HMGA2: variants seen among roughly 807,000 people sequenced by gnomAD.
The protein encoded by HMGA2 is high mobility group AT-hook 2.
HMGA2 carries 8 observed loss-of-function variants against 19.1 expected under a neutral mutation model. That is an observed-to-expected ratio of 0.42 (90% CI 0.25 to 0.76). The LOEUF (loss-of-function observed/expected upper bound fraction) is 0.76, where lower values mean the gene tolerates loss of function less well. HMGA2 is among the 30% of genes least tolerant of loss of function. The pLI is 0.28. For synonymous variants in HMGA2, 60 were observed against 48.8 expected (o/e 1.23, Z -0.96); for missense variants, 109 against 136.3 (o/e 0.80, Z 1.00).
chr12:65,916,716 G>A (rs990531728), intron 3 of HMGA2, among the ~76,000 whole-genome samples: 1 of 152,178 alleles, frequency 6.6e-6, no homozygotes, highest in African/African-American at 2.4e-5. Context: ...ATATCCAGAA[G>A]AGTTCTTTGG....
chr12:65,848,772 C>T (rs1208746523), intron 3 of HMGA2, among the ~76,000 whole-genome samples: 1 of 152,058 alleles, frequency 6.6e-6, no homozygotes, highest in Non-Finnish European at 1.5e-5. Flanking sequence ...AGGAGAATGG[C>T]GTGAACCCGG....
At chr12:65,836,955 G>A (rs1870758553) in intron 2 of HMGA2, among the ~76,000 whole-genome samples, 2 of 152,244 alleles carry the variant, frequency 1.3e-5, no homozygotes, top group South Asian at 4.2e-4. Flanking sequence ...AAGAGGCTAG[G>A]AGCACAGTCT....
chr12:65,959,812 A>G (rs1274771876), intron 4 of HMGA2, among the ~76,000 whole-genome samples: 1 of 152,232 alleles, frequency 6.6e-6, no homozygotes, highest in Non-Finnish European at 1.5e-5. Flanking sequence ...CCATTAGGTG[A>G]CAAATGAGAA....
In HMGA2 at chr12:65,966,123, G is replaced by A. The variant is rs1168515351; in HGVS notation, c.*2831G>A. ...TCTTTGTTCTTTATGTAGAATTGCTGTCTATGATTGTACTTTGAATCGCTT... is the reference window on the plus strand; with the variant it reads ...TCTTTGTTCTTTATGTAGAATTGCTATCTATGATTGTACTTTGAATCGCTT... On this transcript the variant is annotated 3_prime_UTR_variant, in exon 5 of 5. Coordinates refer to ENST00000403681, the MANE Select transcript of HMGA2 (RefSeq NM_003483.6). 1 of 211,710 alleles carries A rather than the reference G, an allele frequency of 4.7e-6. No individual in the cohort carries two copies. Among genetic ancestry groups the A allele is most frequent in the East Asian group, 7.1e-5 (1 of 14,160 alleles). The allele number at this position is 211,710 out of a possible 1,614,324, so 13.1% of individuals were successfully genotyped here.
At chr12:65,944,462 T>G (rs1876192616) in intron 3 of HMGA2, among the ~76,000 whole-genome samples, 1 of 152,144 alleles carries the variant, frequency 6.6e-6, no homozygotes, top group Non-Finnish European at 1.5e-5. Flanking sequence ...ACACCACACC[T>G]GGTATAGGCC....
intron 3 of HMGA2, among the ~76,000 whole-genome samples, chr12:65,929,497 A>G (rs1430600215): frequency 6.6e-6 from 1 of 151,090 alleles, no homozygotes; most frequent in African/African-American, 2.4e-5. Flanking sequence ...TATGTAATAT[A>G]TATCATATAT....
intron 2 of HMGA2, among the ~76,000 whole-genome samples, chr12:65,836,785 T>A (rs969155561): frequency 6.6e-6 from 1 of 152,240 alleles, no homozygotes; most frequent in Non-Finnish European, 1.5e-5. Context: ...TAATAAACAA[T>A]GATTCAGAGT....
At chr12:65,909,564 T>A (rs1874751567) in intron 3 of HMGA2, among the ~76,000 whole-genome samples, 1 of 152,034 alleles carries the variant, frequency 6.6e-6, no homozygotes, top group Non-Finnish European at 1.5e-5. Context: ...GAAAGAGATG[T>A]CATTATCTGA....
chr12:65,866,145 C>A (rs1276955198), intron 3 of HMGA2, among the ~76,000 whole-genome samples: 3 of 152,190 alleles, frequency 2.0e-5, no homozygotes, highest in African/African-American at 7.2e-5. Flanking sequence ...AAGGAAACAT[C>A]TGTTCACTCA....
At chr12:65,845,233 G>A (rs1415494838) in intron 3 of HMGA2, among the ~76,000 whole-genome samples, 1 of 151,990 alleles carries the variant, frequency 6.6e-6, no homozygotes, top group Non-Finnish European at 1.5e-5. Context: ...TTTAAAGGTG[G>A]AGGCTGCTTT....
At chr12:65,936,120 T>C (rs190744421) in intron 3 of HMGA2, among the ~76,000 whole-genome samples, 195 of 152,362 alleles carry the variant, frequency 1.3e-3, no homozygotes, top group Middle Eastern at 6.8e-3. Context: ...ATTATTAAGC[T>C]GTTTTCCTTT....
rs1206903108 is a variant in HMGA2, at chr12:65,824,766, TCTCG to T, written c.-503_-500del. The stretch of plus-strand genomic sequence containing the variant: ...CTCTCTCTCTCTCTCTCTCTCTCTC[TCTCG>T]CAGGGTGGGGGGAAGAGGAGGAGGA... On this transcript the variant is annotated 5_prime_UTR_variant, in exon 1 of 5. Coordinates refer to ENST00000403681, the MANE Select transcript of HMGA2 (RefSeq NM_003483.6). 19 of 205,320 alleles carry T rather than the reference TCTCG, an allele frequency of 9.3e-5. No homozygotes were observed. The highest frequency in any genetic ancestry group is 6.0e-4 in the South Asian group (3 of 5,006). The allele number at this position is 205,320 out of a possible 1,614,324, so 12.7% of individuals were successfully genotyped here.
At chr12:65,941,556 C>T (rs924870306) in intron 3 of HMGA2, among the ~76,000 whole-genome samples, 1 of 152,100 alleles carries the variant, frequency 6.6e-6, no homozygotes, top group East Asian at 1.9e-4. Flanking sequence ...AGAGATATGA[C>T]TCAGTTAAGT....
intron 3 of HMGA2, among the ~76,000 whole-genome samples, chr12:65,875,149 A>G (rs1872919696): frequency 6.6e-6 from 1 of 152,202 alleles, no homozygotes; most frequent in South Asian, 2.1e-4. Context: ...AAGTAGTCCC[A>G]AATTAATTTT....
In HMGA2 at chr12:65,925,109, T is replaced by C. The variant is rs1046588829; in HGVS notation, c.250-26274T>C. 3.7e-4 allele frequency among the ~76,000 whole-genome samples: 57 copies of C among 152,220 alleles called. 1 individual carries two copies. Among genetic ancestry groups the C allele is most frequent in the African/African-American group, 1.3e-3 (55 of 41,462 alleles). On this transcript the variant is annotated intron_variant, in intron 3 of 4. Transcript: ENST00000403681. ...GGTATTCCTCAAATGTGAAATTCCT[T>C]TCTGAATTGTTAAAATATTTTTATA...
intron 3 of HMGA2, among the ~76,000 whole-genome samples, chr12:65,851,940 G>A (rs1488131200): frequency 1.3e-5 from 2 of 152,156 alleles, no homozygotes; most frequent in Non-Finnish European, 2.9e-5. Flanking sequence ...TTATGTAAAA[G>A]AGGGATAATA....
At chr12:65,842,331 G>A (rs560590767) in intron 3 of HMGA2, 1 of 606,036 alleles carries the variant, frequency 1.7e-6, no homozygotes, top group Non-Finnish European at 3.0e-6. Context: ...TGGCACATAG[G>A]TAGTGCTCAG....
At chr12:65,902,351 T>C (rs1329008935) in intron 3 of HMGA2, among the ~76,000 whole-genome samples, 2 of 152,160 alleles carry the variant, frequency 1.3e-5, no homozygotes, top group Non-Finnish European at 2.9e-5. Flanking sequence ...AACTAATCTT[T>C]TGAAAATCTC....
chr12:65,895,805 T>C (rs925756712), intron 3 of HMGA2, among the ~76,000 whole-genome samples: 1 of 152,226 alleles, frequency 6.6e-6, no homozygotes, highest in Non-Finnish European at 1.5e-5. Flanking sequence ...GCATATTCTT[T>C]ATGCTTTGTT....
Sources: allele counts gnomAD v4.1 joint callset (sites outside exome capture counted in the v4.1 genomes callset), GRCh38; gene constraint gnomAD v4.1.1; transcripts MANE v1.5; gene names NCBI Gene and HGNC (gene_info 2026-07-23, HGNC 2026-07-21).